ARHGAP36: variants seen among roughly 807,000 people sequenced by gnomAD.
The protein encoded by ARHGAP36 is Rho GTPase activating protein 36.
A neutral mutation model predicts 32.9 loss-of-function variants in ARHGAP36; 7 were observed. That is an observed-to-expected ratio of 0.21 (90% CI 0.12 to 0.40). The LOEUF (loss-of-function observed/expected upper bound fraction) is 0.40, where lower values mean the gene tolerates loss of function less well. Ranked by LOEUF, ARHGAP36 falls within the 10% of genes least tolerant of loss-of-function variation. The pLI is 1.00. For missense variants in ARHGAP36, 383 were observed against 442.2 expected (o/e 0.87, Z 1.20); for synonymous variants, 165 against 168.3 (o/e 0.98, Z 0.15).
intron 1 of ARHGAP36, among the ~76,000 whole-genome samples, chrX:131,058,712 G>C (rs759176687): frequency 3.5e-5 from 4 of 113,528 alleles, no homozygotes; most frequent in Admixed American, 9.2e-5. Flanking sequence ...CTCAGCCGCC[G>C]GCAGGGACAG....
At chrX:131,061,828 A>G (rs144804642) in intron 1 of ARHGAP36, among the ~76,000 whole-genome samples, 1 of 112,361 alleles carries the variant, frequency 8.9e-6, no homozygotes, top group African/African-American at 3.2e-5. Flanking sequence ...CTTAGCCCAT[A>G]CCTTACCCAT....
Position 131,077,764 on chromosome X carries a change from CATATATATATATATATATATATATATAT to C in ARHGAP36, c.-142-3745_-142-3718del, listed in dbSNP as rs72142237. On this transcript the variant is annotated intron_variant, in intron 1 of 11. Transcript: ENST00000276211. The stretch of plus-strand genomic sequence containing the variant: ...GCCCCTTTACTTATCCAAATAAAAT[CATATATATATATATATATATATATATAT>C]ATATATATATATATTGCTAGTGACA... Among the ~76,000 whole-genome samples, 21 of 87,028 alleles carry C rather than the reference CATATATATATATATATATATATATATAT, an allele frequency of 2.4e-4. 1 individual carries two copies. The highest frequency in any genetic ancestry group is 1.1e-3 in the African/African-American group (21 of 19,594). 75.6% of individuals were successfully genotyped at this position (87,028 alleles called of 115,157 possible). A position where few individuals can be genotyped will look rare whatever the true frequency, so the allele number is the denominator to read the frequency against.
chrX:131,087,612 G>T (rs1015396124), intron 11 of ARHGAP36, among the ~76,000 whole-genome samples: 3 of 111,825 alleles, frequency 2.7e-5, no homozygotes, highest in African/African-American at 9.8e-5. Context: ...GAGACCAATG[G>T]AATTGCAGGC....
rs1250464572 is a variant in ARHGAP36, at chrX:131,071,192, CAGAGACAGAG to C, written c.-142-10320_-142-10311del. ...AGAGAGAGAGAGAGAGAGACAGAGA[CAGAGACAGAG>C]AGAGACAGAGAAAGAGGGGATGCCA... On this transcript the variant is annotated intron_variant, in intron 1 of 11. Coordinates refer to ENST00000276211, the MANE Select transcript of ARHGAP36 (RefSeq NM_144967.4). Among the ~76,000 whole-genome samples the C allele has an allele frequency of 6.4e-5, 7 of 109,672 alleles. No individual in the cohort carries two copies. In the East Asian group the frequency reaches 2.0e-3, roughly 32 times the overall value.
intron 1 of ARHGAP36, among the ~76,000 whole-genome samples, chrX:131,070,937 G>A (rs2079730314): frequency 9.2e-6 from 1 of 109,219 alleles, no homozygotes. Flanking sequence ...CCTCTCCGGC[G>A]ACACCCTCTC....
At chrX:131,082,677 G>T (rs2079809438) in intron 2 of ARHGAP36, among the ~76,000 whole-genome samples, 2 of 113,213 alleles carry the variant, frequency 1.8e-5, no homozygotes, top group Non-Finnish European at 3.7e-5. Context: ...AGCCACTGAT[G>T]CCAGATTCGG....
At chrX:131,078,846 C>T (rs1050160309) in intron 1 of ARHGAP36, 52 of 677,358 alleles carry the variant, frequency 7.7e-5, no homozygotes, top group Non-Finnish European at 9.5e-5. Context: ...CAATGACAAA[C>T]GGTTTATTCT....
Position 131,081,588 on chromosome X carries a change from A to G in ARHGAP36, c.-78A>G. 4 of 538,480 alleles carry G rather than the reference A, an allele frequency of 7.4e-6. No individual in the cohort carries two copies. The highest frequency in any genetic ancestry group is 4.2e-5 in the Admixed American group (1 of 23,585). The allele number at this position is 538,480 out of a possible 1,213,427, so 44.4% of individuals were successfully genotyped here. A position where few individuals can be genotyped will look rare whatever the true frequency, so the allele number is the denominator to read the frequency against. On this transcript the variant is annotated 5_prime_UTR_variant, in exon 2 of 12. Coordinates refer to ENST00000276211, the MANE Select transcript of ARHGAP36 (RefSeq NM_144967.4). ...GCCTCCCAGTTTTCCCTCCCCCTCT[A>G]CCCCCACCCCCATAGTTCTCTCCAC...
intron 1 of ARHGAP36, among the ~76,000 whole-genome samples, chrX:131,063,512 G>C (rs2079680472): frequency 9.0e-6 from 1 of 111,424 alleles, no homozygotes; most frequent in Non-Finnish European, 1.9e-5. Context: ...TCCTCAGAGG[G>C]ACTCACTTGC....
chrX:131,084,759 C>A, intron 6 of ARHGAP36, 78 bp downstream of exon 6: 1 of 1,180,772 alleles, frequency 8.5e-7, no homozygotes, highest in Non-Finnish European at 1.1e-6. Context: ...ATAGACCTGA[C>A]TACCTGGTGG....
intron 8 of ARHGAP36, 88 bp from the exon 9 acceptor site, chrX:131,085,825 G>A: frequency 8.5e-7 from 1 of 1,177,104 alleles, no homozygotes; most frequent in South Asian, 1.9e-5. Flanking sequence ...AGAGGAGAGA[G>A]AGAAACAAGA....
chrX:131,072,962 G>T (rs2079740522), intron 1 of ARHGAP36: 1 of 111,933 alleles, frequency 8.9e-6, no homozygotes, highest in Admixed American at 9.4e-5. Flanking sequence ...CCGGACTGTC[G>T]AGCAGGTCAC....
chrX:131,072,649 C>T (rs1051455491), intron 1 of ARHGAP36, among the ~76,000 whole-genome samples: 2 of 111,399 alleles, frequency 1.8e-5, no homozygotes, highest in Non-Finnish European at 3.8e-5. Context: ...TGTGGCATGG[C>T]CAGGGGAGGG....
rs2148643824 is a variant in ARHGAP36, at chrX:131,086,607, G to A, written c.1428G>A (p.Val476=). 4 of 1,211,985 alleles carry A rather than the reference G, an allele frequency of 3.3e-6. No individual in the cohort carries two copies. Among genetic ancestry groups the A allele is most frequent in the Middle Eastern group, 2.3e-4 (1 of 4,355 alleles). ...AGGATGCACTACTTTCTGATCCAGT[G>A]GAAACCTCTGCTGAAGCCCGGGCTG... ...MEEDALLSDP[V]ETSAEARAAV... is the part of the protein sequence containing the mutation. The change falls in exon 11 of 12, where the codon GTG becomes GTA. Residue 476 remains valine, a synonymous_variant. Coordinates refer to ENST00000276211, the MANE Select transcript of ARHGAP36 (RefSeq NM_144967.4).
At chrX:131,079,014 T>A (rs1020506622) in intron 1 of ARHGAP36, among the ~76,000 whole-genome samples, 1 of 112,041 alleles carries the variant, frequency 8.9e-6, no homozygotes, top group African/African-American at 3.3e-5. Flanking sequence ...TTTCATCTTA[T>A]TTTTGGGTGA....
intron 2 of ARHGAP36, 87 bp from the exon 3 acceptor site, chrX:131,083,078 C>T: frequency 1.0e-5 from 10 of 968,937 alleles, no homozygotes; most frequent in Non-Finnish European, 1.3e-5. Flanking sequence ...GCTCCCTCCC[C>T]CTGCTGCAGA....
intron 1 of ARHGAP36, among the ~76,000 whole-genome samples, chrX:131,068,908 G>C (rs1199547956): frequency 1.8e-5 from 2 of 111,780 alleles, no homozygotes; most frequent in Admixed American, 9.4e-5. Context: ...TGGACACATA[G>C]TAGGGCTCTC....
chrX:131,074,642 A>G (rs764698149), intron 1 of ARHGAP36, among the ~76,000 whole-genome samples: 1 of 112,081 alleles, frequency 8.9e-6, no homozygotes, highest in East Asian at 2.8e-4. Context: ...AAGGAAACAT[A>G]TTTAAATTAG....
At chrX:131,067,262 G>C (rs2079703645) in intron 1 of ARHGAP36, among the ~76,000 whole-genome samples, 1 of 112,875 alleles carries the variant, frequency 8.9e-6, no homozygotes, top group South Asian at 3.6e-4. Flanking sequence ...CAAATAGTTG[G>C]GCTCAGCTAG....
Sources: allele counts gnomAD v4.1 joint callset (sites outside exome capture counted in the v4.1 genomes callset), GRCh38; gene constraint gnomAD v4.1.1; transcripts MANE v1.5; gene names NCBI Gene and HGNC (gene_info 2026-07-23, HGNC 2026-07-21).